Variants in ACBD4 observed in about 807,000 individuals in gnomAD.
ACBD4 encodes acyl-CoA binding domain containing 4.
ACBD4 carries 41 observed loss-of-function variants against 46.0 expected under a neutral mutation model. That is an observed-to-expected ratio of 0.89 (90% CI 0.69 to 1.16). The LOEUF (loss-of-function observed/expected upper bound fraction) is 1.16. ACBD4 is among the 50% of genes most tolerant of loss of function. The pLI is 0.00. For missense variants in ACBD4, 393 were observed against 399.5 expected (o/e 0.98, Z 0.14); for synonymous variants, 162 against 155.9 (o/e 1.04, Z -0.29).
intron 8 of ACBD4, 66 bp downstream of exon 8, chr17:45,138,054 C>T: frequency 2.0e-6 from 3 of 1,480,888 alleles, no homozygotes; most frequent in Non-Finnish European, 2.8e-6. Context: ...CCCAGGCTTT[C>T]TCTTGGCTGC....
chr17:45,143,429 C>CCTCT lies in ACBD4; in HGVS notation c.790-13_790-10dup, dbSNP rs769582840. On this transcript the variant is annotated splice_polypyrimidine_tract_variant and intron_variant, in intron 9 of 9. Coordinates refer to ENST00000321854, the MANE Select transcript of ACBD4 (RefSeq NM_001135705.3). ...GCCTGGACTGGCCTCTGACTCCCTC[C>CCTCT]CTCTTGGCTGCAGAGGCCGCAGCCC... 6.3e-7 allele frequency: 1 copy of CCTCT among 1,598,198 alleles called. No individual in the cohort carries two copies. The highest frequency in any genetic ancestry group is 8.5e-7 in the Non-Finnish European group (1 of 1,175,386).
Position 45,137,474 on chromosome 17 carries a change from G to A in ACBD4, c.502+20G>A. 1.2e-6 allele frequency: 2 copies of A among 1,613,620 alleles called. No individual in the cohort carries two copies. Among genetic ancestry groups the A allele is most frequent in the Non-Finnish European group, 1.7e-6 (2 of 1,179,752 alleles). On this transcript the variant is annotated intron_variant, in intron 6 of 9. Transcript: ENST00000321854. ...GCCCAGGTTAGTGCTTGAGCAGGAG[G>A]GGTGGACCAAACTCAGGCTGGGGGA...
chr17:45,140,506 A>G (rs1730214583), intron 9 of ACBD4, among the ~76,000 whole-genome samples: 1 of 145,204 alleles, frequency 6.9e-6, no homozygotes, highest in African/African-American at 2.5e-5. Flanking sequence ...CCTACCATTT[A>G]CTACTTTTAA....
rs200102361 is a variant in ACBD4 at position 45,137,104 on chromosome 17, C to G, written c.380C>G (p.Pro127Arg). The G allele has an allele frequency of 1.2e-6, 2 of 1,613,998 alleles. No homozygotes were observed. Among genetic ancestry groups the G allele is most frequent in the African/African-American group, 2.7e-5 (2 of 74,914 alleles). ...EPLYQVIPDMPRPPETFLRRV... is the reference protein window; with the variant it reads ...EPLYQVIPDMRRPPETFLRRV... ...CTGTACCAGGTGATCCCTGACATGCCGAGGCCCCCAGAGACCTTCCTGAGA... is the reference window on the plus strand; with the variant it reads ...CTGTACCAGGTGATCCCTGACATGCGGAGGCCCCCAGAGACCTTCCTGAGA... The change falls in exon 5 of 10, where the codon CCG becomes CGG. Residue 127 changes from proline (P) to arginine (R), a missense_variant. Pro to Arg is a moderately radical substitution (Grantham distance 103, BLOSUM62 -2). Transcript: ENST00000321854.
In ACBD4 at chr17:45,137,833, G is replaced by A; in HGVS notation, c.573+3G>A. 1.9e-6 allele frequency: 3 copies of A among 1,613,684 alleles called. No homozygotes were observed. Among genetic ancestry groups the A allele is most frequent in the Non-Finnish European group, 2.5e-6 (3 of 1,179,698 alleles). ...TGGAGCAGCTGGAGCCTGAGCTGGT[G>A]AGCCCAGTCCCCATTCCCCCCTTTT... On this transcript the variant is annotated splice_donor_region_variant and intron_variant, in intron 7 of 9. Transcript: ENST00000321854.
Position 45,137,743 on chromosome 17 carries a change from T to C in ACBD4, c.503-17T>C, listed in dbSNP as rs1441410519. On this transcript the variant is annotated splice_polypyrimidine_tract_variant and intron_variant, in intron 6 of 9. Coordinates refer to ENST00000321854, the MANE Select transcript of ACBD4 (RefSeq NM_001135705.3). ...ACAGCTTCCCTCTGGGCAGTAACTC[T>C]ACCAACCCCTCCACAGAGTCCCATT... is the stretch of plus-strand genomic sequence containing the variant. 1.9e-6 allele frequency: 3 copies of C among 1,613,756 alleles called. No homozygotes were observed. The highest frequency in any genetic ancestry group is 1.7e-5 in the Admixed American group (1 of 59,988).
At chr17:45,137,734 C>G (rs2054955101) in intron 6 of ACBD4, 26 bp from the exon 7 acceptor site, 1 of 1,613,434 alleles carries the variant, frequency 6.2e-7, no homozygotes, top group African/African-American at 1.3e-5. Flanking sequence ...TCCCTCTGGG[C>G]AGTAACTCTA....
At chr17:45,139,347 C>T (rs982008300) in intron 9 of ACBD4, among the ~76,000 whole-genome samples, 187 bp downstream of exon 9, 1 of 152,220 alleles carries the variant, frequency 6.6e-6, no homozygotes, top group African/African-American at 2.4e-5. Context: ...CATGCTTCTA[C>T]TCTGAAGGCA....
At chr17:45,143,121 A>G (rs138071598) in intron 9 of ACBD4, among the ~76,000 whole-genome samples, 33 of 152,270 alleles carry the variant, frequency 2.2e-4, no homozygotes, top group African/African-American at 7.7e-4. Context: ...CTCATTTGAC[A>G]TATGTGGCAC....
chr17:45,141,637 T>A (rs1180477210), intron 9 of ACBD4, among the ~76,000 whole-genome samples: 1 of 152,170 alleles, frequency 6.6e-6, no homozygotes, highest in African/African-American at 2.4e-5. Flanking sequence ...CCAGCTTGGG[T>A]GACAGAGTGA....
chr17:45,132,283 G>A, upstream of ACBD4: 2 of 1,274,060 alleles, frequency 1.6e-6, no homozygotes, highest in Non-Finnish European at 9.9e-7. This position sits in a 1 kb window ranked among gnomAD's most constrained non-coding sequence, Gnocchi z 4.6. Flanking sequence ...GGGCCTCTTG[G>A]TGCCGCCATC....
chr17:45,135,643 C>T (rs1046027307), upstream of ACBD4: 2 of 156,736 alleles, frequency 1.3e-5, no homozygotes, highest in African/African-American at 4.8e-5. Flanking sequence ...AAATTCCCCC[C>T]CTCGATCTGC....
upstream of ACBD4, among the ~76,000 whole-genome samples, chr17:45,134,076 C>T (rs1357715301): frequency 1.3e-5 from 2 of 152,180 alleles, no homozygotes; most frequent in East Asian, 1.9e-4. Flanking sequence ...ATTGAAGTAA[C>T]CATCACCTCA....
chr17:45,136,061 C>T, intron 1 of ACBD4, 47 bp from the exon 2 acceptor site: 1 of 1,412,380 alleles, frequency 7.1e-7, no homozygotes, highest in Admixed American at 1.9e-5. Context: ...GCTTATGGTG[C>T]CGGGGGGACC....
intron 2 of ACBD4, 68 bp downstream of exon 2, chr17:45,136,300 A>G (rs2054825771): frequency 1.3e-6 from 2 of 1,595,104 alleles, no homozygotes; most frequent in African/African-American, 1.3e-5. Flanking sequence ...TGAAGAAAGA[A>G]TGGTCCTGAT....
chr17:45,135,782 G>A lies in ACBD4; in HGVS notation c.-209G>A, dbSNP rs1228604550. 3 of 189,630 alleles carry A rather than the reference G, an allele frequency of 1.6e-5. No homozygotes were observed. Among genetic ancestry groups the A allele is most frequent in the Non-Finnish European group, 3.3e-5 (3 of 89,620 alleles). The allele number at this position is 189,630 out of a possible 1,614,324, so 11.7% of individuals were successfully genotyped here. A position where few individuals can be genotyped will look rare whatever the true frequency, so the allele number is the denominator to read the frequency against. On this transcript the variant is annotated 5_prime_UTR_variant, in exon 1 of 10. The change creates a new upstream start codon in the 5' untranslated region. Coordinates refer to ENST00000321854, the MANE Select transcript of ACBD4 (RefSeq NM_001135705.3). ...CTGGGCCAAGGTGCAGGCGGCCAGG[G>A]TGGGAGACTGTTCGCCCCGCCCTGA...
rs756375848 is a variant in ACBD4, at chr17:45,139,030, G to A, written c.659G>A (p.Arg220Gln). ...TGTCTGTGCTCCGCAGAGGGGTTGC[G>A]GGGCAGCCCGCCGGGGCCCCAGGAG... ...PVPPTKKEGL[R>Q]GSPPGPQELD... The change falls in exon 9 of 10, where the codon CGG becomes CAG. Residue 220 changes from arginine (R) to glutamine (Q), a missense_variant. Arg to Gln is a conservative substitution (Grantham distance 43, BLOSUM62 1). Coordinates refer to ENST00000321854, the MANE Select transcript of ACBD4 (RefSeq NM_001135705.3). 11 of 1,612,958 alleles carry A rather than the reference G, an allele frequency of 6.8e-6. No homozygotes were observed. The highest frequency in any genetic ancestry group is 3.3e-5 in the South Asian group (3 of 91,058).
chr17:45,142,271 T>A (rs1256533848), intron 9 of ACBD4, among the ~76,000 whole-genome samples: 1 of 150,814 alleles, frequency 6.6e-6, no homozygotes, highest in Non-Finnish European at 1.5e-5. Flanking sequence ...CAGGTTTCTG[T>A]AATCCCAGCT....
chr17:45,136,078 G>GC, intron 1 of ACBD4, 30 bp from the exon 2 acceptor site: 2 of 1,535,120 alleles, frequency 1.3e-6, no homozygotes, highest in Admixed American at 3.5e-5. Flanking sequence ...GACCCTGGAG[G>GC]CCCCCTCACA....
Sources: allele counts gnomAD v4.1 joint callset (sites outside exome capture counted in the v4.1 genomes callset), GRCh38; gene constraint gnomAD v4.1.1; non-coding constraint Gnocchi (gnomAD v3.1); transcripts MANE v1.5; gene names NCBI Gene and HGNC (gene_info 2026-07-23, HGNC 2026-07-21).